Variants in MTPN observed in about 807,000 individuals in gnomAD.
The protein encoded by MTPN is granule cell differentiation protein.
In MTPN, 2 loss-of-function variants were observed where a neutral mutation model predicts 13.5. The observed-to-expected ratio is 0.15, with a 90% CI of 0.06 to 0.47. The LOEUF (loss-of-function observed/expected upper bound fraction) is 0.47. MTPN is among the 20% of genes least tolerant of loss of function. The probability of loss-of-function intolerance (pLI) is 0.97; values close to 1 mark genes in which losing one functional copy is unlikely to be tolerated. For missense variants in MTPN, 79 were observed against 137.9 expected (o/e 0.57, Z 2.14); for synonymous variants, 46 against 51.7 (o/e 0.89, Z 0.48).
intron 1 of MTPN, among the ~76,000 whole-genome samples, chr7:135,967,476 C>A (rs1799623071): frequency 6.6e-6 from 1 of 152,134 alleles, no homozygotes. Context: ...AGCGGAAAAC[C>A]AACCAACCAA....
chr7:135,969,345 T>C (rs1288730464), intron 1 of MTPN, among the ~76,000 whole-genome samples: 4 of 151,778 alleles, frequency 2.6e-5, no homozygotes, highest in African/African-American at 7.2e-5. Context: ...ATATGATTTA[T>C]TGAACATTTC....
chr7:135,954,327 T>C (rs1346964311), intron 1 of MTPN, among the ~76,000 whole-genome samples: 4 of 152,282 alleles, frequency 2.6e-5, no homozygotes, highest in Non-Finnish European at 4.4e-5. Context: ...GGCAGGTTTC[T>C]GCATAATGGT....
intron 3 of MTPN, among the ~76,000 whole-genome samples, chr7:135,935,424 T>C (rs529822217): frequency 6.6e-6 from 1 of 152,130 alleles, no homozygotes; most frequent in Non-Finnish European, 1.5e-5. Flanking sequence ...GTATTTTTAG[T>C]AGAGATAGGG....
intron 3 of MTPN, among the ~76,000 whole-genome samples, chr7:135,942,226 T>G (rs969910309): frequency 3.3e-4 from 50 of 152,104 alleles, no homozygotes; most frequent in African/African-American, 1.2e-3. Context: ...ATCCTAAGTT[T>G]CAGACAAAAA....
intron 1 of MTPN, among the ~76,000 whole-genome samples, chr7:135,968,082 C>T (rs1022541830): frequency 2.0e-5 from 3 of 152,052 alleles, no homozygotes; most frequent in Admixed American, 1.3e-4. Flanking sequence ...AGACATGAGT[C>T]ATCATGCCTG....
chr7:135,951,876 C>T (rs148110259), intron 1 of MTPN, among the ~76,000 whole-genome samples: 12 of 152,172 alleles, frequency 7.9e-5, no homozygotes, highest in African/African-American at 2.6e-4. Flanking sequence ...ATAAATATAA[C>T]GAAATACATT....
intron 1 of MTPN, among the ~76,000 whole-genome samples, chr7:135,971,953 T>A (rs552623681): frequency 6.6e-6 from 1 of 152,340 alleles, no homozygotes; most frequent in South Asian, 2.1e-4. Context: ...GTCACTCTTA[T>A]GGACACGTCT....
intron 1 of MTPN, among the ~76,000 whole-genome samples, chr7:135,961,662 T>C (rs556593794): frequency 1.3e-5 from 2 of 152,014 alleles, no homozygotes; most frequent in South Asian, 2.1e-4. Context: ...ACATCAAATT[T>C]AAAGATAAAG....
chr7:135,945,910 C>A (rs575105228), intron 3 of MTPN, among the ~76,000 whole-genome samples: 114 of 152,108 alleles, frequency 7.5e-4, no homozygotes, highest in African/African-American at 2.7e-3. Context: ...TATGTTTTTT[C>A]CTATACACAC....
intron 3 of MTPN, among the ~76,000 whole-genome samples, chr7:135,936,836 G>C (rs1799122487): frequency 6.6e-6 from 1 of 152,084 alleles, no homozygotes; most frequent in East Asian, 1.9e-4. Context: ...TGTCATTCTA[G>C]GGAGTAAACG....
At chr7:135,936,400 G>A (rs368298978) in intron 3 of MTPN, among the ~76,000 whole-genome samples, 4 of 152,266 alleles carry the variant, frequency 2.6e-5, no homozygotes, top group East Asian at 1.9e-4. Flanking sequence ...CAGAAGAATC[G>A]CTTGAACCCA....
At position 135,969,281 on chromosome 7, in the gene MTPN, T is replaced by C. The variant is rs1319493280; in HGVS notation, c.72+7748A>G. ...AAAAAAAAAGAATGTCAGAAATTAC[T>C]AGAAAAAATATTAAACAAAATAATA... is the stretch of plus-strand genomic sequence containing the variant. On this transcript the variant is annotated intron_variant, in intron 1 of 3. Transcript: ENST00000393085. 2.7e-5 allele frequency among the ~76,000 whole-genome samples: 4 copies of C among 149,564 alleles called. No homozygotes were observed. In the South Asian group the frequency reaches 6.4e-4, roughly 24 times the overall value.
chr7:135,974,546 AAAG>A (rs1799744004), intron 1 of MTPN, among the ~76,000 whole-genome samples: 1 of 152,176 alleles, frequency 6.6e-6, no homozygotes, highest in African/African-American at 2.4e-5. Context: ...TTTCCAAAAA[AAAG>A]AGGAGGAGGA....
chr7:135,934,272 T>G (rs1487202314), intron 3 of MTPN, among the ~76,000 whole-genome samples: 1 of 152,170 alleles, frequency 6.6e-6, no homozygotes, highest in Non-Finnish European at 1.5e-5. Context: ...GCACATAGGT[T>G]GGCAGGGTGG....
At chr7:135,934,572 A>G (rs961884600) in intron 3 of MTPN, among the ~76,000 whole-genome samples, 1 of 152,260 alleles carries the variant, frequency 6.6e-6, no homozygotes, top group Non-Finnish European at 1.5e-5. Context: ...GTGGACAACT[A>G]CAACCTAGGG....
At chr7:135,970,305 A>G (rs1799673153) in intron 1 of MTPN, among the ~76,000 whole-genome samples, 1 of 152,214 alleles carries the variant, frequency 6.6e-6, no homozygotes, top group African/African-American at 2.4e-5. Context: ...ACCTGTTGAG[A>G]ATGGCTGATT....
At chr7:135,948,821 T>C (rs1799321571) in intron 3 of MTPN, among the ~76,000 whole-genome samples, 1 of 152,164 alleles carries the variant, frequency 6.6e-6, no homozygotes, top group Non-Finnish European at 1.5e-5. Flanking sequence ...AAAGAGTACA[T>C]TTAGGGCAGC....
intron 1 of MTPN, among the ~76,000 whole-genome samples, chr7:135,958,375 C>T (rs1402344758): frequency 6.6e-6 from 1 of 152,128 alleles, no homozygotes; most frequent in African/African-American, 2.4e-5. Context: ...CAACCTGTTG[C>T]CTACCAAACA....
At chr7:135,976,927 T>TTCCCC in intron 1 of MTPN, 102 bp downstream of exon 1, 21 of 410,734 alleles carry the variant, frequency 5.1e-5, no homozygotes, top group East Asian at 2.8e-4. Context: ...AAGTCTCTCC[T>TTCCCC]CCCGCCCACC....
Sources: allele counts gnomAD v4.1 joint callset (sites outside exome capture counted in the v4.1 genomes callset), GRCh38; gene constraint gnomAD v4.1.1; transcripts MANE v1.5; gene names NCBI Gene and HGNC (gene_info 2026-07-23, HGNC 2026-07-21).